Variants in RASAL1 observed in about 807,000 individuals in gnomAD.
RASAL1 encodes RAS protein activator like 1.
In RASAL1, 72 loss-of-function variants were observed where a neutral mutation model predicts 96.6. The observed-to-expected ratio is 0.75, with a 90% CI of 0.62 to 0.91. RASAL1 has a LOEUF of 0.91. Among genes scored for constraint, RASAL1 ranks in the 40% least tolerant of loss-of-function variants. RASAL1 has a pLI of 0.00. For missense variants in RASAL1, 1,016 were observed against 1,072.5 expected (o/e 0.95, Z 0.74); for synonymous variants, 405 against 430.4 (o/e 0.94, Z 0.73).
intron 18 of RASAL1, among the ~76,000 whole-genome samples, chr12:113,102,310 A>C (rs775868846): frequency 1.3e-5 from 2 of 152,094 alleles, no homozygotes; most frequent in Non-Finnish European, 2.9e-5. Context: ...GTAATCCCAG[A>C]ACTTTGGGAG....
chr12:113,115,315 C>T lies in RASAL1; in HGVS notation c.1004-51G>A, dbSNP rs1211770507. On this transcript the variant is annotated intron_variant, in intron 10 of 20. Coordinates refer to ENST00000548055, the MANE Select transcript of RASAL1 (RefSeq NM_001301202.2). The surrounding 1 kb of genome is among the most constrained non-coding windows in gnomAD (Gnocchi z 4.1). ...CTGGGATTTAGGGAGCTGAACCCAGCTCACCCCACTCACCCAAGGTGGGAG... is the reference window on the plus strand; with the variant it reads ...CTGGGATTTAGGGAGCTGAACCCAGTTCACCCCACTCACCCAAGGTGGGAG... 1 of 1,487,288 alleles carries T rather than the reference C, an allele frequency of 6.7e-7. No homozygotes were observed. Among genetic ancestry groups the T allele is most frequent in the Non-Finnish European group, 9.4e-7 (1 of 1,065,062 alleles). The allele number at this position is 1,487,288 out of a possible 1,614,324, so 92.1% of individuals were successfully genotyped here.
chr12:113,102,117 C>A, intron 18 of RASAL1, 108 bp from the exon 19 acceptor site: 1 of 1,372,930 alleles, frequency 7.3e-7, no homozygotes, highest in East Asian at 2.3e-5. Context: ...AATCCCTCCT[C>A]AAACCTACTA....
At chr12:113,116,524 A>G (rs1024176183) in intron 8 of RASAL1, among the ~76,000 whole-genome samples, 1 of 152,196 alleles carries the variant, frequency 6.6e-6, no homozygotes, top group African/African-American at 2.4e-5. Context: ...ACAAGTGTGG[A>G]CAGGTATGAA....
In RASAL1 at chr12:113,128,171, T is replaced by C. The variant is rs1046613907; in HGVS notation, c.130A>G (p.Thr44Ala). The change falls in exon 3 of 21, where the codon ACT becomes GCT. Residue 44 changes from threonine to alanine, a missense_variant. Transcript: ENST00000548055. ...AAGGGGCCCAGGCTCCTCCAGACAG[T>C]AGCTGTCCTGCAAAAGGAGGTGCAG... ...VDDEVVARTA[T>A]VWRSLGPFWG... 5 of 1,612,258 alleles carry C rather than the reference T, an allele frequency of 3.1e-6. No individual in the cohort carries two copies. The highest frequency in any genetic ancestry group is 4.2e-6 in the Non-Finnish European group (5 of 1,179,190).
At chr12:113,102,504 G>A (rs1950486011) in intron 18 of RASAL1, among the ~76,000 whole-genome samples, 1 of 152,220 alleles carries the variant, frequency 6.6e-6, no homozygotes, top group Non-Finnish European at 1.5e-5. Context: ...ATTGCAGTGA[G>A]CTAAGATTGC....
chr12:113,127,995 A>G, intron 3 of RASAL1, 70 bp downstream of exon 3: 1 of 1,503,052 alleles, frequency 6.7e-7, no homozygotes, highest in Non-Finnish European at 9.2e-7. Flanking sequence ...GTGGACCCAC[A>G]TCCCCTCTCC....
chr12:113,100,551 G>A lies in RASAL1; in HGVS notation c.2278+77C>T, dbSNP rs548142201. On this transcript the variant is annotated intron_variant, in intron 20 of 20. Transcript: ENST00000548055. ...TGACCTCAAGTGATCCACCCACCTC[G>A]GCCTCCCAAAGTGCTGGGATTACAG... is the stretch of plus-strand genomic sequence containing the variant. 4.5e-4 allele frequency: 578 copies of A among 1,285,910 alleles called. 2 individuals carry two copies. The highest frequency in any genetic ancestry group is 1.5e-3 in the South Asian group (124 of 84,270). The allele number at this position is 1,285,910 out of a possible 1,614,324, so 79.7% of individuals were successfully genotyped here. A position where few individuals can be genotyped will look rare whatever the true frequency, so the allele number is the denominator to read the frequency against.
At position 113,133,613 on chromosome 12, in the gene RASAL1, A is replaced by T. The variant is rs528288258; in HGVS notation, c.65+1785T>A. Among the ~76,000 whole-genome samples the T allele has an allele frequency of 1.4e-4, 21 of 152,188 alleles. 1 individual carries two copies. The highest frequency in any genetic ancestry group is 2.4e-4 in the Non-Finnish European group (16 of 68,030). On this transcript the variant is annotated intron_variant, in intron 1 of 20. Transcript: ENST00000548055. ...CAAACCTGGCAATGCTTTAGGCAGA[A>T]TCTGGGCCCTTTCCCTTAGGAGAAG...
rs774212828 is a variant in RASAL1 at position 113,116,031 on chromosome 12, C to T, written c.752G>A (p.Arg251Gln). ...EDSGGNLGALRVKVRLIEDRV... is the reference protein window; with the variant it reads ...EDSGGNLGALQVKVRLIEDRV... Reference sequence around the variant, plus strand: ...GTCCTCAATCAGGCGTACCTTCACTCGCAGGGCACCCAGGTTCCCCCTGTC... The same window carrying T: ...GTCCTCAATCAGGCGTACCTTCACTTGCAGGGCACCCAGGTTCCCCCTGTC... Residue 251 changes from arginine to glutamine, a missense_variant, in exon 9 of 21, where the codon CGA (arginine) becomes CAA (glutamine). Coordinates refer to ENST00000548055, the MANE Select transcript of RASAL1 (RefSeq NM_001301202.2). 22 of 1,596,486 alleles carry T rather than the reference C, an allele frequency of 1.4e-5. No individual in the cohort carries two copies. The highest frequency in any genetic ancestry group is 1.8e-5 in the Non-Finnish European group (21 of 1,171,842).
rs372426715 is a variant in RASAL1, at chr12:113,115,169, C to T, written c.1068+31G>A. 3.8e-5 allele frequency: 60 copies of T among 1,589,160 alleles called. No individual in the cohort carries two copies. Among genetic ancestry groups the T allele is most frequent in the African/African-American group, 1.6e-4 (12 of 74,306 alleles). On this transcript the variant is annotated intron_variant, in intron 11 of 20. Transcript: ENST00000548055. This position sits in a 1 kb window ranked among gnomAD's most constrained non-coding sequence, Gnocchi z 4.1. The stretch of plus-strand genomic sequence containing the variant: ...GGGAAGGAGGTACCCGAGGAAGCTG[C>T]GCCTGGTCCCGCAGGCCTTCACCTA...
chr12:113,127,967 G>A, intron 3 of RASAL1, 94 bp from the exon 4 acceptor site: 2 of 1,547,054 alleles, frequency 1.3e-6, no homozygotes. Context: ...TGGGTGGGAG[G>A]GCACACCCTC....
At chr12:113,133,521 A>G (rs992469208) in intron 1 of RASAL1, among the ~76,000 whole-genome samples, 1 of 152,144 alleles carries the variant, frequency 6.6e-6, no homozygotes, top group African/African-American at 2.4e-5. Flanking sequence ...GACTGCTACT[A>G]TTTCTAATAG....
chr12:113,100,703 A>C, intron 19 of RASAL1, 23 bp from the exon 20 acceptor site: 1 of 1,598,948 alleles, frequency 6.3e-7, no homozygotes, highest in Non-Finnish European at 8.6e-7. Flanking sequence ...AGGGAGAAAG[A>C]CAAGTCTGGT....
At chr12:113,113,772 G>A (rs772714670) in intron 12 of RASAL1, among the ~76,000 whole-genome samples, 27 of 152,272 alleles carry the variant, frequency 1.8e-4, no homozygotes, top group Non-Finnish European at 3.1e-4. Context: ...AGGCTTGTGG[G>A]TTAGACAGGA....
chr12:113,108,938 G>T (rs1950752702), intron 13 of RASAL1, among the ~76,000 whole-genome samples: 1 of 150,004 alleles, frequency 6.7e-6, no homozygotes, highest in African/African-American at 2.5e-5. Context: ...AGTTTCAAGT[G>T]ATTCTAGTGC....
chr12:113,117,019 G>A, intron 8 of RASAL1, 54 bp downstream of exon 8: 1 of 1,421,062 alleles, frequency 7.0e-7, no homozygotes. Flanking sequence ...GCAAGCTGTG[G>A]ATGCTGCCCG....
intron 7 of RASAL1, among the ~76,000 whole-genome samples, chr12:113,118,111 C>A (rs565786478): frequency 3.1e-4 from 47 of 152,268 alleles, no homozygotes; most frequent in Admixed American, 8.5e-4. Flanking sequence ...GTAACCCCAG[C>A]TACTTGGGAG....
chr12:113,136,749 C>T (rs183470992), upstream of RASAL1, among the ~76,000 whole-genome samples: 483 of 152,354 alleles, frequency 3.2e-3, 6 homozygotes, highest in African/African-American at 0.011. Context: ...ACCTAATACA[C>T]GTCCAGAAAG....
intron 18 of RASAL1, among the ~76,000 whole-genome samples, chr12:113,102,249 C>G (rs564410273): frequency 6.6e-6 from 1 of 152,080 alleles, no homozygotes; most frequent in Admixed American, 6.5e-5. Context: ...GACCTTGTCT[C>G]TACAAATAAT....
Sources: gnomAD v4.1 joint callset for allele counts (sites outside exome capture counted in the v4.1 genomes callset) on GRCh38, gnomAD v4.1.1 for gene constraint, Gnocchi (gnomAD v3.1) non-coding constraint, MANE v1.5 for transcripts, NCBI Gene and HGNC (gene_info 2026-07-23, HGNC 2026-07-21) for gene names.